The following REEP1 variants were observed in gnomAD, a reference collection of about 807,000 sequenced individuals.
The protein encoded by REEP1 is receptor expression-enhancing protein 1.
REEP1 carries 22 observed loss-of-function variants against 40.3 expected under a neutral mutation model. The ratio of observed to expected loss-of-function variants is 0.55; its 90% CI spans 0.39 to 0.78. REEP1 has a LOEUF of 0.78. Ranked by LOEUF, REEP1 falls within the 30% of genes least tolerant of loss-of-function variation. REEP1 has a pLI of 0.00. For missense variants in REEP1, 280 were observed against 361.1 expected (o/e 0.78, Z 1.82); for synonymous variants, 116 against 139.2 (o/e 0.83, Z 1.17).
At chr2:86,298,914 G>A (rs1021569514) in intron 1 of REEP1, among the ~76,000 whole-genome samples, 2 of 152,196 alleles carry the variant, frequency 1.3e-5, no homozygotes, top group Admixed American at 6.5e-5. Context: ...GGAAAACAAA[G>A]AGTGGATAGG....
intron 1 of REEP1, among the ~76,000 whole-genome samples, chr2:86,297,108 C>T (rs999995373): frequency 5.9e-5 from 9 of 152,334 alleles, no homozygotes; most frequent in African/African-American, 1.9e-4. Flanking sequence ...TGCTACCAAC[C>T]ACCCACATGG....
rs1574035921 is a variant in REEP1 at position 86,252,080 on chromosome 2, G to A, written c.304-10C>T. 1 of 1,569,972 alleles carries A rather than the reference G, an allele frequency of 6.4e-7. No homozygotes were observed. Among genetic ancestry groups the A allele is most frequent in the Admixed American group, 1.7e-5 (1 of 59,924 alleles). On this transcript the variant is annotated splice_polypyrimidine_tract_variant and intron_variant, in intron 4 of 8. Transcript: ENST00000538924. ...GACAATCATCGATTTCCTGTCAAAG[G>A]AAAAACAGAGGCACACTGAGCTGGA...
chr2:86,239,140 A>G (rs1300633995), intron 5 of REEP1, among the ~76,000 whole-genome samples: 1 of 146,078 alleles, frequency 6.8e-6, no homozygotes, highest in East Asian at 2.1e-4. Context: ...GCACTCACTC[A>G]AGGTCACCCT....
At chr2:86,274,062 T>G (rs1355471590) in intron 2 of REEP1, among the ~76,000 whole-genome samples, 3 of 152,242 alleles carry the variant, frequency 2.0e-5, no homozygotes, top group Non-Finnish European at 2.9e-5. Context: ...TGAGAAATAC[T>G]GTCTAGATGG....
chr2:86,225,648 A>G (rs957153476), intron 7 of REEP1, among the ~76,000 whole-genome samples: 1 of 152,262 alleles, frequency 6.6e-6, no homozygotes. Context: ...CAGGGAAAAC[A>G]GGACACGTCA....
rs1025186643 is a variant in REEP1 at position 86,259,466 on chromosome 2, A to G, written c.182+4499T>C. 2.7e-5 allele frequency among the ~76,000 whole-genome samples: 4 copies of G among 149,710 alleles called. No homozygotes were observed. In the Admixed American group the frequency reaches 2.7e-4, roughly 10 times the overall value. ...AGTGGTGCGATCTTAGCTCACTGCA[A>G]CCTCCGCCTCCCGGGTTCAAGTGAT... is the stretch of plus-strand genomic sequence containing the variant. On this transcript the variant is annotated intron_variant, in intron 3 of 8. Transcript: ENST00000538924.
intron 1 of REEP1, among the ~76,000 whole-genome samples, chr2:86,286,150 G>A (rs76425309): frequency 6.6e-6 from 1 of 152,114 alleles, no homozygotes; most frequent in Non-Finnish European, 1.5e-5. Flanking sequence ...CCAAGTTAGG[G>A]GTCTTCATTC....
chr2:86,225,534 G>A (rs535992295), intron 7 of REEP1, among the ~76,000 whole-genome samples: 1 of 152,186 alleles, frequency 6.6e-6, no homozygotes, highest in Non-Finnish European at 1.5e-5. Flanking sequence ...GTCTCCCAAA[G>A]TGCTGGGATT....
At chr2:86,316,838 G>T (rs1456494769) in intron 1 of REEP1, among the ~76,000 whole-genome samples, 2 of 152,250 alleles carry the variant, frequency 1.3e-5, no homozygotes, top group East Asian at 3.9e-4. Context: ...CAGCCTGGGG[G>T]ACAAGAGTGA....
chr2:86,249,597 T>C (rs1012303967), intron 5 of REEP1, among the ~76,000 whole-genome samples: 2 of 152,166 alleles, frequency 1.3e-5, no homozygotes, highest in South Asian at 4.2e-4. Flanking sequence ...AGATTCTGAT[T>C]CAGCACATCT....
intron 4 of REEP1, among the ~76,000 whole-genome samples, chr2:86,253,151 C>T (rs551496974): frequency 3.3e-5 from 5 of 152,192 alleles, no homozygotes; most frequent in South Asian, 2.1e-4. Context: ...CATGGTGGCA[C>T]GTGCCTATAG....
intron 5 of REEP1, among the ~76,000 whole-genome samples, chr2:86,241,940 C>T (rs1033558676): frequency 6.6e-6 from 1 of 152,006 alleles, no homozygotes; most frequent in African/African-American, 2.4e-5. Context: ...ACAGCACATG[C>T]GAGGTGGGCC....
intron 1 of REEP1, among the ~76,000 whole-genome samples, chr2:86,323,653 CTG>C (rs1384490413): frequency 6.6e-6 from 1 of 152,210 alleles, no homozygotes; most frequent in Admixed American, 6.5e-5. Context: ...CATGGAAAAA[CTG>C]TCTTCTATGA....
rs544124539 is a variant in REEP1 at position 86,251,795 on chromosome 2, G to T, written c.417+162C>A. On this transcript the variant is annotated intron_variant, in intron 5 of 8. Coordinates refer to ENST00000538924, the MANE Select transcript of REEP1 (RefSeq NM_001371279.1). ...TGTTGGGGGGTGAGAATTTTCTGGG[G>T]CAAGATTCAGCATTTTTTTCCATCA... The T allele has an allele frequency of 2.3e-5, 16 of 707,652 alleles. No individual in the cohort carries two copies. In the African/African-American group the frequency reaches 2.8e-4, roughly 12 times the overall value. 43.8% of individuals were successfully genotyped at this position (707,652 alleles called of 1,614,324 possible).
At chr2:86,234,705 A>G (rs1169806615) in intron 5 of REEP1, among the ~76,000 whole-genome samples, 1 of 152,218 alleles carries the variant, frequency 6.6e-6, no homozygotes, top group Non-Finnish European at 1.5e-5. Flanking sequence ...AGGATATTAT[A>G]TGAAAAAAGA....
At chr2:86,315,577 C>A (rs931509201) in intron 1 of REEP1, among the ~76,000 whole-genome samples, 3 of 152,202 alleles carry the variant, frequency 2.0e-5, no homozygotes, top group African/African-American at 7.2e-5. Flanking sequence ...ATAGAGTGCA[C>A]CTGCTGAGTG....
At chr2:86,330,417 GT>G (rs1553471167) in intron 1 of REEP1, among the ~76,000 whole-genome samples, 1 of 49,552 alleles carries the variant, frequency 2.0e-5, no homozygotes, top group Non-Finnish European at 3.6e-5. Flanking sequence ...GAATCCTGGT[GT>G]GTGTGTGTGT....
At chr2:86,279,627 A>G (rs1677949737) in intron 2 of REEP1, among the ~76,000 whole-genome samples, 1 of 152,238 alleles carries the variant, frequency 6.6e-6, no homozygotes, top group East Asian at 1.9e-4. Flanking sequence ...ATGAATCCTT[A>G]AAGTGGAGAA....
chr2:86,262,206 A>G (rs1395241040), intron 3 of REEP1, among the ~76,000 whole-genome samples: 1 of 152,032 alleles, frequency 6.6e-6, no homozygotes, highest in Non-Finnish European at 1.5e-5. Flanking sequence ...TTTCTTTTCC[A>G]AGTCTCTCGT....
Sources: gnomAD v4.1 joint callset for allele counts (sites outside exome capture counted in the v4.1 genomes callset) on GRCh38, gnomAD v4.1.1 for gene constraint, MANE v1.5 for transcripts, NCBI Gene and HGNC (gene_info 2026-07-23, HGNC 2026-07-21) for gene names.